Variants in KIAA1217 observed in about 807,000 individuals in gnomAD.
KIAA1217 encodes the protein KIAA1217.
In KIAA1217, 88 loss-of-function variants were observed where a neutral mutation model predicts 163.9. That is an observed-to-expected ratio of 0.54 (90% CI 0.45 to 0.64). The LOEUF is 0.64. KIAA1217 is among the 30% of genes least tolerant of loss of function. KIAA1217 has a pLI of 0.00. For synonymous variants in KIAA1217, 903 were observed against 923.1 expected (o/e 0.98, Z 0.39); for missense variants, 2,372 against 2,475.0 (o/e 0.96, Z 0.88).
chr10:23,724,056 C>A (rs1588666279), intron 1 of KIAA1217, among the ~76,000 whole-genome samples: 1 of 152,188 alleles, frequency 6.6e-6, no homozygotes, highest in Non-Finnish European at 1.5e-5. Flanking sequence ...ACTAAAATTA[C>A]CTAAGAACTC....
chr10:24,393,852 T>A (rs896373751), intron 3 of KIAA1217, among the ~76,000 whole-genome samples: 1 of 152,180 alleles, frequency 6.6e-6, no homozygotes, highest in African/African-American at 2.4e-5. Flanking sequence ...TTTAAGCCCC[T>A]TAGCACAGCC....
intron 1 of KIAA1217, among the ~76,000 whole-genome samples, chr10:23,918,056 A>G (rs1318018977): frequency 6.6e-6 from 1 of 151,974 alleles, no homozygotes; most frequent in African/African-American, 2.4e-5. Flanking sequence ...TCTGTCACTC[A>G]GGGTGAAGTG....
chr10:23,947,353 A>C (rs1418802112), intron 1 of KIAA1217, among the ~76,000 whole-genome samples: 4 of 152,242 alleles, frequency 2.6e-5, no homozygotes, highest in African/African-American at 9.6e-5. Context: ...AACCACGATT[A>C]TGACTTTCAG....
At chr10:23,765,169 T>A (rs1588750599) in intron 1 of KIAA1217, among the ~76,000 whole-genome samples, 1 of 150,382 alleles carries the variant, frequency 6.6e-6, no homozygotes, top group East Asian at 1.9e-4. Flanking sequence ...TTTTCTTTTG[T>A]TTTCCCTTTT....
At chr10:23,758,344 T>C (rs1044392468) in intron 1 of KIAA1217, among the ~76,000 whole-genome samples, 2 of 150,904 alleles carry the variant, frequency 1.3e-5, no homozygotes, top group African/African-American at 2.5e-5. Context: ...GTCTTGGCAC[T>C]CTTATTGGAA....
chr10:24,065,129 T>C (rs2060887293), intron 2 of KIAA1217, among the ~76,000 whole-genome samples: 1 of 152,224 alleles, frequency 6.6e-6, no homozygotes, highest in Admixed American at 6.5e-5. Flanking sequence ...GGGTTTTTTG[T>C]GTCTCTATTT....
At chr10:23,798,991 G>A (rs902991652) in intron 1 of KIAA1217, among the ~76,000 whole-genome samples, 8 of 152,170 alleles carry the variant, frequency 5.3e-5, no homozygotes, top group Non-Finnish European at 1.0e-4. Context: ...CAGCAGGGCC[G>A]GTTCCCTCTG....
chr10:24,340,610 A>G (rs534050781), intron 2 of KIAA1217, among the ~76,000 whole-genome samples: 1 of 152,004 alleles, frequency 6.6e-6, no homozygotes, highest in East Asian at 1.9e-4. Flanking sequence ...CCCTCCACCC[A>G]CATCTCTTCC....
intron 1 of KIAA1217, among the ~76,000 whole-genome samples, chr10:23,705,028 C>T (rs530042222): frequency 6.6e-6 from 1 of 152,100 alleles, no homozygotes; most frequent in Admixed American, 6.5e-5. Flanking sequence ...TTTTGACTTG[C>T]ATTTCGCTAA....
intron 1 of KIAA1217, among the ~76,000 whole-genome samples, chr10:23,979,811 T>G (rs1845691508): frequency 6.6e-6 from 1 of 152,172 alleles, no homozygotes; most frequent in African/African-American, 2.4e-5. Context: ...TGCAAAGCTC[T>G]CAAACTGGGA....
chr10:24,148,060 G>A (rs1472876678), intron 2 of KIAA1217, among the ~76,000 whole-genome samples: 4 of 151,944 alleles, frequency 2.6e-5, no homozygotes, highest in Admixed American at 2.0e-4. Context: ...CCCAAAAGAG[G>A]CAAAAGGTTT....
intron 1 of KIAA1217, among the ~76,000 whole-genome samples, chr10:23,822,036 A>G (rs527498485): frequency 5.3e-5 from 8 of 152,282 alleles, no homozygotes; most frequent in African/African-American, 7.2e-5. Context: ...CTCCTAGACA[A>G]TAAGTAAGAG....
intron 1 of KIAA1217, among the ~76,000 whole-genome samples, chr10:23,755,780 C>G (rs1833891097): frequency 2.0e-5 from 3 of 152,070 alleles, no homozygotes; most frequent in African/African-American, 4.8e-5. Context: ...TTACAAGAAT[C>G]CAGTTAACCT....
intron 1 of KIAA1217, among the ~76,000 whole-genome samples, chr10:23,820,057 A>G (rs1445876090): frequency 2.6e-5 from 4 of 152,254 alleles, no homozygotes; most frequent in Non-Finnish European, 5.9e-5. Flanking sequence ...AGTATCTGGT[A>G]TATGTACAGA....
chr10:24,287,842 A>T (rs945538948), intron 2 of KIAA1217, among the ~76,000 whole-genome samples: 1 of 152,190 alleles, frequency 6.6e-6, no homozygotes, highest in East Asian at 1.9e-4. Flanking sequence ...CCATAACTCG[A>T]TTCATCAAAC....
intron 5 of KIAA1217, among the ~76,000 whole-genome samples, chr10:24,444,289 GGCGTGA>G (rs1469194170): frequency 6.6e-6 from 1 of 152,168 alleles, no homozygotes; most frequent in Non-Finnish European, 1.5e-5. Context: ...TGGATTTACA[GGCGTGA>G]GCCACCATGC....
At chr10:23,720,289 A>G (rs569422682) in intron 1 of KIAA1217, among the ~76,000 whole-genome samples, 3 of 152,144 alleles carry the variant, frequency 2.0e-5, no homozygotes, top group Non-Finnish European at 4.4e-5. Flanking sequence ...TTTGGTTTTA[A>G]ACTTTACAAT....
chr10:24,316,914 G>A (rs1285601231), intron 2 of KIAA1217, among the ~76,000 whole-genome samples: 1 of 152,142 alleles, frequency 6.6e-6, no homozygotes, highest in African/African-American at 2.4e-5. Flanking sequence ...TGTTCAAATG[G>A]TTCTGAGGAT....
intron 1 of KIAA1217, among the ~76,000 whole-genome samples, chr10:23,779,143 C>G (rs1322125348): frequency 6.6e-6 from 1 of 152,136 alleles, no homozygotes; most frequent in African/African-American, 2.4e-5. Flanking sequence ...GTATCTATAA[C>G]TCTTGTCTTT....
Sources: gnomAD v4.1 joint callset for allele counts (sites outside exome capture counted in the v4.1 genomes callset) on GRCh38, gnomAD v4.1.1 for gene constraint, MANE v1.5 for transcripts, NCBI Gene and HGNC (gene_info 2026-07-23, HGNC 2026-07-21) for gene names.